The following SMG6 variants were observed in gnomAD, a reference collection of about 807,000 sequenced individuals.
The protein encoded by SMG6 is telomerase-binding protein EST1A.
SMG6 carries 66 observed loss-of-function variants against 142.2 expected under a neutral mutation model. The ratio of observed to expected loss-of-function variants is 0.46; its 90% confidence interval spans 0.38 to 0.57. The LOEUF (loss-of-function observed/expected upper bound fraction) is 0.57. Among genes scored for constraint, SMG6 ranks in the 20% least tolerant of loss-of-function variants. The probability of loss-of-function intolerance (pLI) is 0.00; values close to 1 mark genes in which losing one functional copy is unlikely to be tolerated. For missense variants in SMG6, 1,793 were observed against 1,832.0 expected, an observed-to-expected ratio of 0.98 and a Z score of 0.39; for synonymous variants, 779 against 702.4, an observed-to-expected ratio of 1.11 and a Z score of -1.72.
At chr17:2,078,220 A>G (rs1392395113) in intron 15 of SMG6, among the ~76,000 whole-genome samples, 1 of 152,172 alleles carries the variant, frequency 6.6e-6, no homozygotes, top group African/African-American at 2.4e-5. Flanking sequence ...CTAAGCAACT[A>G]CTTGACCTAG....
At chr17:2,275,630 T>C (rs2074632161) in intron 8 of SMG6, among the ~76,000 whole-genome samples, 1 of 152,192 alleles carries the variant, frequency 6.6e-6, no homozygotes, top group African/African-American at 2.4e-5. Flanking sequence ...TGTAATTTAA[T>C]ATCCTTAACT....
chr17:2,164,155 A>T (rs940149549), intron 13 of SMG6, among the ~76,000 whole-genome samples: 2 of 151,462 alleles, frequency 1.3e-5, no homozygotes, highest in African/African-American at 4.9e-5. Context: ...AGTGGCTCAC[A>T]CCTGTAATCC....
chr17:2,149,410 C>T (rs6503302), intron 13 of SMG6, among the ~76,000 whole-genome samples: 51,709 of 145,282 alleles, frequency 0.36, 9,815 homozygotes, highest in African/African-American at 0.5. Flanking sequence ...ATGTATATTT[C>T]ATCACAATTA....
intron 13 of SMG6, among the ~76,000 whole-genome samples, chr17:2,137,792 C>T (rs1017015738): frequency 6.6e-6 from 1 of 152,148 alleles, no homozygotes; most frequent in Non-Finnish European, 1.5e-5. Flanking sequence ...ATCCCCCACC[C>T]GCAAGCTGGC....
intron 9 of SMG6, chr17:2,237,078 A>G (rs1400201491): frequency 1.8e-5 from 2 of 110,782 alleles, no homozygotes; most frequent in African/African-American, 4.2e-5. Context: ...AATCTAAACA[A>G]AAAAAAAAAA....
At chr17:2,109,424 T>C (rs1414617697) in intron 13 of SMG6, among the ~76,000 whole-genome samples, 1 of 152,148 alleles carries the variant, frequency 6.6e-6, no homozygotes, top group Non-Finnish European at 1.5e-5. Context: ...CCACCACGCC[T>C]GGTTAATTTT....
chr17:2,289,941 CATATATATATATAT>C, intron 6 of SMG6, among the ~76,000 whole-genome samples: 1 of 141,582 alleles, frequency 7.1e-6, no homozygotes. Context: ...TTATTTTATA[CATATATATATATAT>C]ATATATATAT....
intron 9 of SMG6, among the ~76,000 whole-genome samples, chr17:2,239,625 C>T (rs536637078): frequency 1.3e-5 from 2 of 151,884 alleles, no homozygotes; most frequent in African/African-American, 2.4e-5. Flanking sequence ...CAAATTTTAA[C>T]GGTGGAGTTA....
chr17:2,087,053 C>T, intron 13 of SMG6: 2 of 1,290,502 alleles, frequency 1.5e-6, no homozygotes, highest in Non-Finnish European at 2.0e-6. Flanking sequence ...CTTCTATCTG[C>T]AGCACATAGG....
intron 10 of SMG6, among the ~76,000 whole-genome samples, chr17:2,193,188 G>A (rs574850957): frequency 6.6e-6 from 1 of 152,326 alleles, no homozygotes; most frequent in East Asian, 1.9e-4. Context: ...CTATGTGGTA[G>A]TGGCTGAATT....
At chr17:2,277,172 AT>A (rs764360988) in intron 8 of SMG6, among the ~76,000 whole-genome samples, 2,686 of 50,126 alleles carry the variant, frequency 0.054, 86 homozygotes, top group African/African-American at 0.11. Flanking sequence ...TTTATTTTTT[AT>A]TTTTTTTTTT....
rs1288928494 is a variant in SMG6, at chr17:2,085,828, G to A, written c.3431C>T (p.Pro1144Leu). 1 of 1,614,076 alleles carries A rather than the reference G, an allele frequency of 6.2e-7. No individual in the cohort carries two copies. The highest frequency in any genetic ancestry group is 8.5e-7 in the Non-Finnish European group (1 of 1,180,026). The part of the protein sequence containing the change: ...FLEALCGQEE[P>L]LLAFKGGKYV... ...CTTTCCACCCTTGAATGCCAGCAGA[G>A]GCTCTTCTTGTCCACAAAGGGCTTC... Residue 1144 changes from proline (P) to leucine (L), a missense_variant, in exon 14 of 19, where the codon CCT becomes CTT. Transcript: ENST00000263073. The surrounding 1 kb of genome is among the most constrained non-coding windows in gnomAD (Gnocchi z 4.1).
chr17:2,102,813 C>A (rs774533649), intron 13 of SMG6, among the ~76,000 whole-genome samples: 7 of 152,142 alleles, frequency 4.6e-5, no homozygotes, highest in African/African-American at 7.2e-5. Context: ...ATTTCCCAGC[C>A]TCTGTAGCCA....
intron 12 of SMG6, among the ~76,000 whole-genome samples, chr17:2,176,107 G>C (rs915499370): frequency 6.6e-6 from 1 of 152,198 alleles, no homozygotes; most frequent in African/African-American, 2.4e-5. Flanking sequence ...AAAAGGATGA[G>C]GTAATTCCTG....
chr17:2,212,886 TC>T (rs1482734672), intron 10 of SMG6: 10 of 152,420 alleles, frequency 6.6e-5, no homozygotes, highest in African/African-American at 1.9e-4. Flanking sequence ...TCCAGTGGAA[TC>T]TGCATGCAAT....
intron 5 of SMG6, 46 bp downstream of exon 5, chr17:2,292,825 T>C: frequency 6.4e-7 from 1 of 1,553,732 alleles, no homozygotes; most frequent in Non-Finnish European, 8.9e-7. Context: ...AGGCTTAGCT[T>C]AGAGCCACAT....
intron 13 of SMG6, chr17:2,095,097 CTG>C (rs2068822298): frequency 6.6e-6 from 1 of 152,256 alleles, no homozygotes; most frequent in South Asian, 2.1e-4. Context: ...CCTTTCAGGT[CTG>C]GCTGGCTTCA....
At chr17:2,279,297 G>A (rs2074730068) in intron 8 of SMG6, among the ~76,000 whole-genome samples, 1 of 152,230 alleles carries the variant, frequency 6.6e-6, no homozygotes, top group African/African-American at 2.4e-5. Flanking sequence ...GAAGAAGCCA[G>A]TGTGGCTGGA....
At chr17:2,237,288 A>C (rs931120579) in intron 9 of SMG6, 1 of 153,970 alleles carries the variant, frequency 6.5e-6, no homozygotes, top group Admixed American at 6.6e-5. Flanking sequence ...GGCTGGTGTC[A>C]AACTCCTGAC....
Sources: gnomAD v4.1 joint callset for allele counts (sites outside exome capture counted in the v4.1 genomes callset) on GRCh38, gnomAD v4.1.1 for gene constraint, Gnocchi (gnomAD v3.1) non-coding constraint, MANE v1.5 for transcripts, NCBI Gene and HGNC (gene_info 2026-07-23, HGNC 2026-07-21) for gene names.